Variants in SMC2 observed in about 807,000 individuals in gnomAD.
The protein encoded by SMC2 is structural maintenance of chromosomes protein 2.
In SMC2, 41 loss-of-function variants were observed where a neutral mutation model predicts 142.6. The observed-to-expected ratio is 0.29, with a 90% CI of 0.22 to 0.37. The LOEUF is 0.37. Among genes scored for constraint, SMC2 ranks in the 10% least tolerant of loss-of-function variants. SMC2 has a pLI of 1.00. For missense variants in SMC2, 1,265 were observed against 1,373.7 expected, an observed-to-expected ratio of 0.92 and a Z score of 1.25; for synonymous variants, 463 against 457.5, an observed-to-expected ratio of 1.01 and a Z score of -0.15.
chr9:104,106,010 G>A (rs1564078622), intron 9 of SMC2, among the ~76,000 whole-genome samples: 1 of 152,182 alleles, frequency 6.6e-6, no homozygotes, highest in Non-Finnish European at 1.5e-5. Flanking sequence ...ATGCATTGCA[G>A]TGCTGTGTTT....
chr9:104,123,032 G>A (rs902413571), intron 16 of SMC2, 76 bp from the exon 17 acceptor site: 5 of 1,436,886 alleles, frequency 3.5e-6, no homozygotes, highest in Non-Finnish European at 4.7e-6. Context: ...TTTAAGGTAA[G>A]AATCTGAAGT....
chr9:104,105,213 G>A lies in SMC2; in HGVS notation c.1020+2640G>A, dbSNP rs141073916. Among the ~76,000 whole-genome samples, 42 of 152,282 alleles carry A rather than the reference G, an allele frequency of 2.8e-4. No individual in the cohort carries two copies. The East Asian group carries it at 7.0e-3, about 25-fold the overall frequency. ...CAGAGTCAGTAAAACCTCTTGGTAC[G>A]TCCTGAGTAAGTCTGGTGTACAGCT... On this transcript the variant is annotated intron_variant, in intron 9 of 24. Coordinates refer to ENST00000374793, the MANE Select transcript of SMC2 (RefSeq NM_006444.3).
At chr9:104,132,231 G>C (rs1391805200) in intron 22 of SMC2, 106 bp downstream of exon 22, 1 of 681,444 alleles carries the variant, frequency 1.5e-6, no homozygotes, top group Non-Finnish European at 2.6e-6. Context: ...GTTTGAATGA[G>C]GCACATATTC....
At chr9:104,124,527 G>A (rs1020292062) in intron 17 of SMC2, among the ~76,000 whole-genome samples, 1 of 151,834 alleles carries the variant, frequency 6.6e-6, no homozygotes, top group African/African-American at 2.4e-5. Flanking sequence ...GCTTGTTTAT[G>A]AAATTACACA....
chr9:104,127,324 A>G lies in SMC2; in HGVS notation c.2634A>G (p.Gln878=). Residue 878 remains glutamine, a synonymous_variant, in exon 20 of 25, where the codon CAA becomes CAG. Coordinates refer to ENST00000374793, the MANE Select transcript of SMC2 (RefSeq NM_006444.3). The part of the protein sequence containing the change: ...VNKAQEEVTK[Q]KEVITAQDTV... ...AAGCTCAAGAAGAGGTGACCAAGCA[A>G]AAAGAGGTGATAACAGCCCAAGACA... The G allele has an allele frequency of 6.2e-7, 1 of 1,600,816 alleles. No individual in the cohort carries two copies. The highest frequency in any genetic ancestry group is 8.5e-7 in the Non-Finnish European group (1 of 1,173,026).
intron 4 of SMC2, among the ~76,000 whole-genome samples, chr9:104,099,253 T>C (rs768224705): frequency 6.6e-6 from 1 of 152,136 alleles, no homozygotes; most frequent in Non-Finnish European, 1.5e-5. Flanking sequence ...GTCATCTGTT[T>C]TGTGAAATTA....
intron 16 of SMC2, among the ~76,000 whole-genome samples, chr9:104,120,416 C>A (rs1046320468): frequency 5.9e-5 from 9 of 152,200 alleles, no homozygotes; most frequent in Admixed American, 5.2e-4. Flanking sequence ...ATATTCCATT[C>A]TCTCTGCTGA....
At chr9:104,103,546 A>G (rs1201015904) in intron 9 of SMC2, among the ~76,000 whole-genome samples, 1 of 152,212 alleles carries the variant, frequency 6.6e-6, no homozygotes, top group East Asian at 1.9e-4. Context: ...AGCTGCAAGT[A>G]GGATAGGAAC....
At chr9:104,121,941 G>C (rs2131464854) in intron 16 of SMC2, among the ~76,000 whole-genome samples, 1 of 152,296 alleles carries the variant, frequency 6.6e-6, no homozygotes, top group South Asian at 2.1e-4. Context: ...TTTTAGTAGA[G>C]ATGGAGTTTC....
intron 5 of SMC2, 110 bp downstream of exon 5, chr9:104,099,792 T>C: frequency 1.4e-6 from 1 of 711,014 alleles, no homozygotes. Context: ...TATTTGGGAA[T>C]GATTAGTAAA....
In SMC2 at chr9:104,134,594, A is replaced by ATATTATAAT. The variant is rs780826599; in HGVS notation, c.3269+21_3269+29dup. 210 of 1,344,074 alleles carry ATATTATAAT rather than the reference A, an allele frequency of 1.6e-4. 2 individuals are homozygous for ATATTATAAT. The East Asian group carries it at 4.5e-3, about 29-fold the overall frequency. 83.3% of individuals were successfully genotyped at this position (1,344,074 alleles called of 1,614,324 possible). Reference sequence around the variant, plus strand: ...GTCAGAGGTGAGGAATCACTTTGCTATATTATAATTTTCATTCCTCTTTAT... The same window carrying ATATTATAAT: ...GTCAGAGGTGAGGAATCACTTTGCTATATTATAATTATTATAATTTTCATTCCTCTTTAT... On this transcript the variant is annotated intron_variant, in intron 23 of 24. Transcript: ENST00000374793.
chr9:104,114,126 C>G (rs1177151933), intron 12 of SMC2, 45 bp downstream of exon 12: 1 of 1,176,220 alleles, frequency 8.5e-7, no homozygotes, highest in Non-Finnish European at 1.2e-6. Context: ...ATAATCAAGA[C>G]ATTTTTATTT....
At chr9:104,117,295 T>C (rs760812564) in intron 14 of SMC2, among the ~76,000 whole-genome samples, 6 of 152,190 alleles carry the variant, frequency 3.9e-5, no homozygotes, top group Non-Finnish European at 8.8e-5. Context: ...CCTCAAATCC[T>C]TTAGCCAAAC....
chr9:104,129,595 T>C (rs1834715052), intron 20 of SMC2, 50 bp from the exon 21 acceptor site: 2 of 1,386,996 alleles, frequency 1.4e-6, no homozygotes, highest in African/African-American at 2.9e-5. Context: ...CTTATACATA[T>C]TGGTTTGTAA....
At chr9:104,135,742 C>A (rs997481603) in intron 23 of SMC2, 3 of 446,810 alleles carry the variant, frequency 6.7e-6, no homozygotes, top group Admixed American at 2.8e-5. Flanking sequence ...CTTTAGACTT[C>A]TTGTTAAACA....
At chr9:104,101,107 T>A (rs974085809) in intron 7 of SMC2, among the ~76,000 whole-genome samples, 1 of 152,100 alleles carries the variant, frequency 6.6e-6, no homozygotes, top group Non-Finnish European at 1.5e-5. Flanking sequence ...CCTGCTAGTT[T>A]ATTTTTTTGT....
At chr9:104,099,238 AG>A (rs1830840905) in intron 4 of SMC2, among the ~76,000 whole-genome samples, 1 of 152,130 alleles carries the variant, frequency 6.6e-6, no homozygotes, top group Admixed American at 6.5e-5. Flanking sequence ...GAGGCCTAGA[AG>A]TATGTCATCT....
chr9:104,114,710 A>C lies in SMC2; in HGVS notation c.1552A>C (p.Asn518His). 6.2e-7 allele frequency: 1 copy of C among 1,612,304 alleles called. No homozygotes were observed. The change falls in exon 13 of 25, where the codon AAT (asparagine) becomes CAT (histidine). Residue 518 changes from asparagine (N) to histidine (H), a missense_variant. This residue lies in a region of SMC2 where 898 missense variants were observed against 904.2 expected (regional missense o/e 0.99). Transcript: ENST00000374793. The stretch of plus-strand genomic sequence containing the variant: ...TTTCAGGGATCCAGAGAAGAACTGG[A>C]ATAGAAATTGTGTGAAAGGACTTGT... ...FAYKDPEKNW[N>H]RNCVKGLVAS...
At chr9:104,119,754 G>A (rs966889527) in intron 15 of SMC2, among the ~76,000 whole-genome samples, 4 of 152,116 alleles carry the variant, frequency 2.6e-5, no homozygotes, top group Non-Finnish European at 4.4e-5. Context: ...AGCAAATCAC[G>A]TAGGCAAGTC....
Sources: gnomAD v4.1 joint callset for allele counts (sites outside exome capture counted in the v4.1 genomes callset) on GRCh38, gnomAD v4.1.1 for gene constraint, gnomAD v4.1.1 regional missense constraint, MANE v1.5 for transcripts, NCBI Gene and HGNC (gene_info 2026-07-23, HGNC 2026-07-21) for gene names.